The following RFT1 variants were observed in gnomAD, a reference collection of about 807,000 sequenced individuals.
RFT1 encodes man(5)GlcNAc(2)-PP-dolichol translocation protein RFT1.
In RFT1, 43 loss-of-function variants were observed where a neutral mutation model predicts 62.2. The observed-to-expected ratio is 0.69, with a 90% CI of 0.54 to 0.89. The LOEUF (loss-of-function observed/expected upper bound fraction) is 0.89, where lower values mean the gene tolerates loss of function less well. RFT1 is among the 40% of genes least tolerant of loss of function. The probability of loss-of-function intolerance (pLI) is 0.00; values close to 1 mark genes in which losing one functional copy is unlikely to be tolerated. For missense variants in RFT1, 605 were observed against 649.9 expected (o/e 0.93, Z 0.75); for synonymous variants, 262 against 264.6 (o/e 0.99, Z 0.10).
rs527946773 is a variant in RFT1, at chr3:53,096,441, G to T, written c.1208+2940C>A. Among the ~76,000 whole-genome samples the T allele has an allele frequency of 2.6e-5, 4 of 152,128 alleles. No individual in the cohort carries two copies. The South Asian group carries it at 8.3e-4, about 32-fold the overall frequency. ...TCACTCCTATAATCCCAGCACTTTG[G>T]GAGGCTGAGATGGGCAGATCACCTG... On this transcript the variant is annotated intron_variant, in intron 11 of 12. Coordinates refer to ENST00000296292, the MANE Select transcript of RFT1 (RefSeq NM_052859.4).
At chr3:53,110,270 A>G (rs901606677) in intron 7 of RFT1, among the ~76,000 whole-genome samples, 1 of 152,244 alleles carries the variant, frequency 6.6e-6, no homozygotes, top group Non-Finnish European at 1.5e-5. Flanking sequence ...TCTTACAACA[A>G]TGTGAACTAT....
At chr3:53,068,319 C>A in the RFT1 span, among the ~76,000 whole-genome samples, 30 of 152,092 alleles carry the variant, frequency 2.0e-4, no homozygotes, top group East Asian at 5.4e-3. Context: ...CAGGAGAGAC[C>A]CCCCCCACCA....
intron 1 of RFT1, among the ~76,000 whole-genome samples, chr3:53,130,011 T>C (rs1302183764): frequency 6.6e-6 from 1 of 152,096 alleles, no homozygotes; most frequent in Non-Finnish European, 1.5e-5. Flanking sequence ...GCCTGAAAAA[T>C]ATCAGATTCT....
downstream of RFT1, among the ~76,000 whole-genome samples, chr3:53,084,264 C>A (rs1035168026): frequency 6.6e-6 from 1 of 152,212 alleles, no homozygotes; most frequent in Non-Finnish European, 1.5e-5. Context: ...CAAAAGCCTT[C>A]TGAAAGAGGT....
At chr3:53,122,779 C>T (rs1021883237) in intron 3 of RFT1, among the ~76,000 whole-genome samples, 1 of 152,126 alleles carries the variant, frequency 6.6e-6, no homozygotes, top group Non-Finnish European at 1.5e-5. Flanking sequence ...AAAAATGAAA[C>T]TGAGGCTGAC....
intron 1 of RFT1, among the ~76,000 whole-genome samples, chr3:53,128,025 C>T (rs901060988): frequency 2.6e-5 from 4 of 151,776 alleles, no homozygotes; most frequent in Non-Finnish European, 5.9e-5. Context: ...AATCCGAGCG[C>T]GGTAGCTCAC....
intron 3 of RFT1, among the ~76,000 whole-genome samples, chr3:53,123,217 C>T (rs970793881): frequency 3.3e-5 from 5 of 152,162 alleles, no homozygotes; most frequent in Admixed American, 1.3e-4. Context: ...AAAGCCATTG[C>T]AATTTTAAGC....
rs377370275 is a variant in RFT1, at chr3:53,122,323, C to T, written c.456+51G>A. The T allele has an allele frequency of 6.5e-6, 10 of 1,545,856 alleles. No individual in the cohort carries two copies. The African/African-American group carries it at 8.1e-5, about 13-fold the overall frequency. The stretch of plus-strand genomic sequence containing the variant: ...CTATAAAAGCATTTTTAAAAAACAA[C>T]GCTTTTTCTTATTCTTCCCATTTCC... On this transcript the variant is annotated intron_variant, in intron 4 of 12. Transcript: ENST00000296292.
At chr3:53,075,988 G>A in the RFT1 span, among the ~76,000 whole-genome samples, 2,735 of 152,280 alleles carry the variant, frequency 0.018, 78 homozygotes, top group African/African-American at 0.062. Context: ...CTCTTTCTCC[G>A]ATCTGCCTGG....
chr3:53,088,023 G>C (rs140552647), downstream of RFT1, among the ~76,000 whole-genome samples: 85 of 152,300 alleles, frequency 5.6e-4, no homozygotes, highest in South Asian at 8.3e-4. Flanking sequence ...CTTTGAACTA[G>C]GTGAAAGGAA....
rs1235298958 is a variant in RFT1 at position 53,099,350 on chromosome 3, T to C, written c.1208+31A>G. 4 of 1,545,748 alleles carry C rather than the reference T, an allele frequency of 2.6e-6. No homozygotes were observed. The Admixed American group carries it at 6.7e-5, about 26-fold the overall frequency. Reference sequence around the variant, plus strand: ...GTTATTTCATTTTGGCTGAAGGCCATGATTAAAGGTGTACCTGCTAGGTTA... The same window carrying C: ...GTTATTTCATTTTGGCTGAAGGCCACGATTAAAGGTGTACCTGCTAGGTTA... On this transcript the variant is annotated intron_variant, in intron 11 of 12. Coordinates refer to ENST00000296292, the MANE Select transcript of RFT1 (RefSeq NM_052859.4).
In RFT1 at chr3:53,090,508, G is replaced by C. The variant is rs1044301360; in HGVS notation, c.*1395C>G. 1 of 152,208 alleles carries C rather than the reference G, an allele frequency of 6.6e-6. No homozygotes were observed. The highest frequency in any genetic ancestry group is 2.4e-5 in the African/African-American group (1 of 41,450). 9.4% of individuals were successfully genotyped at this position (152,208 alleles called of 1,614,324 possible). A position where few individuals can be genotyped will look rare whatever the true frequency, so the allele number is the denominator to read the frequency against. Reference sequence around the variant, plus strand: ...GTGCAAAGCATTCTCCCTCTGAGTAGATAAAAACCTGCCAGGTGACTGGGC... The same window carrying C: ...GTGCAAAGCATTCTCCCTCTGAGTACATAAAAACCTGCCAGGTGACTGGGC... On this transcript the variant is annotated 3_prime_UTR_variant, in exon 13 of 13. Transcript: ENST00000296292.
chr3:53,120,451 C>T (rs994023648), intron 5 of RFT1, among the ~76,000 whole-genome samples: 1 of 152,158 alleles, frequency 6.6e-6, no homozygotes, highest in East Asian at 1.9e-4. Context: ...TTTCTATAAA[C>T]CCCGGAAACC....
At chr3:53,079,941 G>A in the RFT1 span, among the ~76,000 whole-genome samples, 1 of 152,228 alleles carries the variant, frequency 6.6e-6, no homozygotes, top group Non-Finnish European at 1.5e-5. Flanking sequence ...GCCATGTGGG[G>A]GTGCAGGGGT....
chr3:53,094,220 C>G (rs1575479956), intron 11 of RFT1, among the ~76,000 whole-genome samples: 1 of 151,946 alleles, frequency 6.6e-6, no homozygotes, highest in African/African-American at 2.4e-5. Flanking sequence ...CATGTCTCTA[C>G]CAAAAAGAAA....
At chr3:53,086,992 C>T (rs1181542920), downstream of RFT1, among the ~76,000 whole-genome samples, 1 of 152,174 alleles carries the variant, frequency 6.6e-6, no homozygotes, top group African/African-American at 2.4e-5. Flanking sequence ...AATCCCAGCA[C>T]TTTGGGAGGC....
intron 11 of RFT1, among the ~76,000 whole-genome samples, chr3:53,098,549 T>C (rs1333642949): frequency 6.6e-6 from 1 of 151,894 alleles, no homozygotes; most frequent in African/African-American, 2.4e-5. Context: ...ATGCCTGTAA[T>C]CCCGGCACTT....
intron 3 of RFT1, 95 bp from the exon 4 acceptor site, chr3:53,122,658 A>G: frequency 1.4e-6 from 1 of 738,940 alleles, no homozygotes; most frequent in Non-Finnish European, 1.9e-6. Flanking sequence ...TAGTTATAAT[A>G]CAAACAGCTA....
chr3:53,115,613 A>T (rs1378961883), intron 6 of RFT1, among the ~76,000 whole-genome samples: 1 of 152,132 alleles, frequency 6.6e-6, no homozygotes, highest in Admixed American at 6.6e-5. Context: ...TACATTCCCA[A>T]TTCCAACACA....
Sources: allele counts gnomAD v4.1 joint callset (sites outside exome capture counted in the v4.1 genomes callset), GRCh38; gene constraint gnomAD v4.1.1; transcripts MANE v1.5; gene names NCBI Gene and HGNC (gene_info 2026-07-23, HGNC 2026-07-21).